Variants in DMXL2 observed in about 807,000 individuals in gnomAD.
The protein encoded by DMXL2 is dmX-like protein 2.
In DMXL2, 103 loss-of-function variants were observed where a neutral mutation model predicts 331.1. The ratio of observed to expected loss-of-function variants is 0.31; its 90% CI spans 0.27 to 0.37. The LOEUF is 0.37. DMXL2 is among the 10% of genes least tolerant of loss of function. The probability of loss-of-function intolerance (pLI) is 1.00; values close to 1 mark genes in which losing one functional copy is unlikely to be tolerated. For synonymous variants in DMXL2, 1,281 were observed against 1,252.1 expected, an observed-to-expected ratio of 1.02 and a Z score of -0.49; for missense variants, 3,171 against 3,642.9, an observed-to-expected ratio of 0.87 and a Z score of 3.33.
intron 17 of DMXL2, among the ~76,000 whole-genome samples, chr15:51,501,197 G>T (rs1261700987): frequency 6.6e-6 from 1 of 152,168 alleles, no homozygotes; most frequent in Non-Finnish European, 1.5e-5. Flanking sequence ...TTCCAACTGT[G>T]AATGCAAACC....
chr15:51,605,517 CTTTTTTTT>C (rs58113467), intron 1 of DMXL2, among the ~76,000 whole-genome samples: 2 of 22,188 alleles, frequency 9.0e-5, no homozygotes, highest in Admixed American at 7.1e-4. Flanking sequence ...GATTAATATT[CTTTTTTTT>C]TTTTTTTTTT....
rs2041897728 is a variant in DMXL2 at position 51,480,059 on chromosome 15, T to C, written c.6645A>G (p.Thr2215=). 1.9e-6 allele frequency: 3 copies of C among 1,603,132 alleles called. No individual in the cohort carries two copies. The highest frequency in any genetic ancestry group is 2.2e-5 in the South Asian group (2 of 90,082). The change falls in exon 25 of 44, where the codon ACA becomes ACG. Residue 2215 remains threonine (T), a synonymous_variant. Transcript: ENST00000560891. Reference sequence around the variant, plus strand: ...ATACAGGATTAGCTATGACTGTTTTTGTTGACGCAATACTTGCTGAAAGCA... The same window carrying C: ...ATACAGGATTAGCTATGACTGTTTTCGTTGACGCAATACTTGCTGAAAGCA... ...LPLLSASIAS[T]KTVIANPVLY...
chr15:51,502,914 C>T lies in DMXL2; in HGVS notation c.2884G>A (p.Ala962Thr). The T allele has an allele frequency of 6.2e-7, 1 of 1,613,974 alleles. No individual in the cohort carries two copies. Among genetic ancestry groups the T allele is most frequent in the Admixed American group, 1.7e-5 (1 of 60,006 alleles). The change falls in exon 17 of 44, where the codon GCC (alanine) becomes ACC (threonine). Residue 962 changes from alanine (A) to threonine (T), a missense_variant. Physicochemically the swap from Ala to Thr is moderately conservative, Grantham distance 58. Around this residue, in one of 7 missense-constraint regions of DMXL2, gnomAD observed 1,674 missense variants for 1,780.2 expected, o/e 0.94. Transcript: ENST00000560891. ...AGTTTACTGGCAGTTTGAAGATTGG[C>T]AATTGATGAAGAATGTGGCATGGGG... ...VSPMPHSSSI[A>T]NLQTASKLIL...
Position 51,537,603 on chromosome 15 carries a change from T to C in DMXL2, c.1502A>G (p.Glu501Gly), listed in dbSNP as rs1257905120. The C allele has an allele frequency of 1.9e-6, 3 of 1,613,744 alleles. No individual in the cohort carries two copies. The African/African-American group carries it at 4.0e-5, about 22-fold the overall frequency. The change falls in exon 11 of 44, where the codon GAA becomes GGA. Residue 501 changes from glutamate to glycine, a missense_variant. Around this residue, in one of 7 missense-constraint regions of DMXL2, gnomAD observed 1,674 missense variants for 1,780.2 expected, o/e 0.94. Transcript: ENST00000560891. ...LDRKIETLLT[E>G]WNKNPDMLFT... ...AAGCATATCAGGATTCTTATTCCAT[T>C]CAGTTAGCAGCGTTTCAATCTTCCG...
chr15:51,457,340 A>C lies in DMXL2; in HGVS notation c.8325T>G (p.Thr2775=). The C allele has an allele frequency of 6.2e-7, 1 of 1,613,440 alleles. No homozygotes were observed. The highest frequency in any genetic ancestry group is 8.5e-7 in the Non-Finnish European group (1 of 1,179,806). ...LPWLGTGQTS[T]GASVLMKRNL... is the part of the protein sequence containing the mutation. ...GTAAATAACATACCACACTAGCTCC[A>C]GTGCTAGTCTGTCCAGTGCCCAGCC... Residue 2775 remains threonine, a synonymous_variant, in exon 37 of 44, where the codon ACT becomes ACG. Coordinates refer to ENST00000560891, the MANE Select transcript of DMXL2 (RefSeq NM_001378457.1).
chr15:51,498,452 T>G, intron 18 of DMXL2, 100 bp downstream of exon 18: 2 of 1,241,752 alleles, frequency 1.6e-6, no homozygotes, highest in Non-Finnish European at 2.2e-6. Flanking sequence ...CCTGCAAAGT[T>G]TGAAAGTTGA....
In DMXL2 at chr15:51,456,206, AG is replaced by A. The variant is rs555921038; in HGVS notation, c.8399-14del. The A allele has an allele frequency of 1.8e-4, 283 of 1,605,506 alleles. 3 individuals carry two copies. In the South Asian group the frequency reaches 2.9e-3, roughly 17 times the overall value. ...GCACCTGTAAGATCTGAAACACAAG[AG>A]AAAAAGCAGGAAATAAGAAATTAAA... is the stretch of plus-strand genomic sequence containing the variant. On this transcript the variant is annotated splice_polypyrimidine_tract_variant and intron_variant, in intron 38 of 43. Transcript: ENST00000560891.
intron 15 of DMXL2, among the ~76,000 whole-genome samples, chr15:51,511,156 C>G (rs1401045148): frequency 1.3e-5 from 2 of 152,148 alleles, no homozygotes; most frequent in Non-Finnish European, 2.9e-5. Context: ...GACTAAAACA[C>G]CAAAAACAAT....
At chr15:51,607,030 T>C (rs2053634706) in intron 1 of DMXL2, among the ~76,000 whole-genome samples, 1 of 152,066 alleles carries the variant, frequency 6.6e-6, no homozygotes, top group African/African-American at 2.4e-5. Flanking sequence ...TGGTGATGGA[T>C]GCCTGTAATC....
chr15:51,536,117 T>C, intron 12 of DMXL2, 49 bp downstream of exon 12: 1 of 1,424,028 alleles, frequency 7.0e-7, no homozygotes, highest in Non-Finnish European at 9.5e-7. Flanking sequence ...ATATAACAAA[T>C]AATAGTTTAA....
chr15:51,512,042 G>A (rs961970574), intron 15 of DMXL2, among the ~76,000 whole-genome samples: 16 of 152,072 alleles, frequency 1.1e-4, no homozygotes, highest in Non-Finnish European at 2.4e-4. Flanking sequence ...GGCCTGTTGG[G>A]GGGTGGGGGG....
intron 16 of DMXL2, among the ~76,000 whole-genome samples, chr15:51,505,944 G>T (rs535371727): frequency 6.6e-6 from 1 of 152,228 alleles, no homozygotes; most frequent in African/African-American, 2.4e-5. Context: ...GGAAAAGTTT[G>T]TTTTTAAAAA....
In DMXL2 at chr15:51,480,052, C is replaced by A; in HGVS notation, c.6652G>T (p.Val2218Phe). 6.2e-7 allele frequency: 1 copy of A among 1,603,366 alleles called. No homozygotes were observed. Among genetic ancestry groups the A allele is most frequent in the South Asian group, 1.1e-5 (1 of 90,122 alleles). Residue 2218 changes from valine (V) to phenylalanine (F), a missense_variant, in exon 25 of 44, where the codon GTC (valine) becomes TTC (phenylalanine). This residue lies in a region of DMXL2 where 197 missense variants were observed against 196.2 expected (regional missense o/e 1.00). Coordinates refer to ENST00000560891, the MANE Select transcript of DMXL2 (RefSeq NM_001378457.1). ...AAGTACAATACAGGATTAGCTATGA[C>A]TGTTTTTGTTGACGCAATACTTGCT... ...LSASIASTKT[V>F]IANPVLYLNN...
intron 17 of DMXL2, among the ~76,000 whole-genome samples, chr15:51,502,306 T>TG (rs2043701330): frequency 1.4e-5 from 2 of 140,558 alleles, no homozygotes; most frequent in Non-Finnish European, 3.0e-5. Flanking sequence ...TTTTGTGGGT[T>TG]TGTGTGTGTG....
At chr15:51,551,152 G>GT (rs1431848202) in intron 6 of DMXL2, among the ~76,000 whole-genome samples, 9 of 150,524 alleles carry the variant, frequency 6.0e-5, no homozygotes, top group African/African-American at 1.9e-4. Context: ...GTTACTTTCT[G>GT]TTCTTTTTAT....
chr15:51,542,587 G>T, intron 8 of DMXL2, 80 bp from the exon 9 acceptor site: 1 of 1,104,258 alleles, frequency 9.1e-7, no homozygotes, highest in Non-Finnish European at 1.3e-6. Flanking sequence ...ATTATTAAGA[G>T]GTTTAAGATT....
intron 1 of DMXL2, among the ~76,000 whole-genome samples, chr15:51,612,309 G>T (rs910940610): frequency 2.0e-5 from 3 of 152,168 alleles, no homozygotes; most frequent in Admixed American, 2.0e-4. Context: ...AATGGCTATA[G>T]TTCAATTATT....
chr15:51,554,711 A>T (rs1403670129), intron 6 of DMXL2, among the ~76,000 whole-genome samples: 1 of 152,220 alleles, frequency 6.6e-6, no homozygotes, highest in East Asian at 1.9e-4. Flanking sequence ...GGTGAGAGTT[A>T]GCAGAAGATG....
chr15:51,457,404 T>C lies in DMXL2; in HGVS notation c.8261A>G (p.Tyr2754Cys). 1.9e-6 allele frequency: 3 copies of C among 1,614,222 alleles called. No homozygotes were observed. Among genetic ancestry groups the C allele is most frequent in the Non-Finnish European group, 2.5e-6 (3 of 1,180,026 alleles). Residue 2754 changes from tyrosine (Y) to cysteine (C), a missense_variant, in exon 37 of 44, where the codon TAT becomes TGT. Coordinates refer to ENST00000560891, the MANE Select transcript of DMXL2 (RefSeq NM_001378457.1). ...AGGTGGATGCACCTGACTTGCTGAA[T>C]AGGATGTTGCACTGGGTTGATAAAG... ...TTLYQPSATS[Y>C]SASQVHPPSS...
Sources: gnomAD v4.1 joint callset for allele counts (sites outside exome capture counted in the v4.1 genomes callset) on GRCh38, gnomAD v4.1.1 for gene constraint, gnomAD v4.1.1 regional missense constraint, MANE v1.5 for transcripts, NCBI Gene and HGNC (gene_info 2026-07-23, HGNC 2026-07-21) for gene names.